LRRC7: variants seen among roughly 807,000 people sequenced by gnomAD.
LRRC7 encodes leucine-rich repeat-containing protein 7.
LRRC7 carries 23 observed loss-of-function variants against 175.7 expected under a neutral mutation model. The observed-to-expected ratio is 0.13, with a 90% CI of 0.09 to 0.19. The LOEUF (loss-of-function observed/expected upper bound fraction) is 0.19. LRRC7 is among the 10% of genes least tolerant of loss of function. The pLI, the probability that LRRC7 is intolerant of heterozygous loss-of-function variation, is 1.00. For synonymous variants in LRRC7, 685 were observed against 680.9 expected (o/e 1.01, Z -0.09); for missense variants, 1,354 against 1,904.7 (o/e 0.71, Z 5.38).
At chr1:69,697,945 A>G (rs562460280) in intron 2 of LRRC7, among the ~76,000 whole-genome samples, 2 of 152,234 alleles carry the variant, frequency 1.3e-5, no homozygotes, top group African/African-American at 4.8e-5. Flanking sequence ...CCTCAGGTAG[A>G]CTCCAGAAGA....
chr1:69,880,565 A>G (rs1052698377), intron 7 of LRRC7, among the ~76,000 whole-genome samples: 2 of 152,184 alleles, frequency 1.3e-5, no homozygotes, highest in African/African-American at 4.8e-5. Context: ...TTGGGGGTCT[A>G]TGTTTCTCTA....
intron 2 of LRRC7, among the ~76,000 whole-genome samples, chr1:69,683,916 G>A (rs1375343298): frequency 6.6e-6 from 1 of 152,058 alleles, no homozygotes; most frequent in Admixed American, 6.6e-5. Flanking sequence ...ACAAAGGAAA[G>A]ATGATGAAAT....
At chr1:69,976,620 G>C (rs72943291) in intron 8 of LRRC7, among the ~76,000 whole-genome samples, 1 of 152,100 alleles carries the variant, frequency 6.6e-6, no homozygotes, top group African/African-American at 2.4e-5. Flanking sequence ...GGGTATCCTC[G>C]ATCTCTTATT....
intron 8 of LRRC7, among the ~76,000 whole-genome samples, chr1:69,934,873 TC>T (rs768957775): frequency 1.3e-5 from 2 of 151,864 alleles, no homozygotes; most frequent in Admixed American, 1.3e-4. Context: ...GCCTCTCTCC[TC>T]CCCTCCCTGT....
At chr1:69,906,542 T>A (rs1382334299) in intron 7 of LRRC7, among the ~76,000 whole-genome samples, 3 of 152,204 alleles carry the variant, frequency 2.0e-5, no homozygotes, top group Admixed American at 2.0e-4. Context: ...CTTGTTTTTC[T>A]CAGGTTTGTC....
rs1250256985 is a variant in LRRC7 at position 70,134,323 on chromosome 1, GTTC to G, written c.*12442_*12444del. 6.6e-6 allele frequency among the ~76,000 whole-genome samples: 1 copy of G among 152,124 alleles called. No homozygotes were observed. Among genetic ancestry groups the G allele is most frequent in the East Asian group, 1.9e-4 (1 of 5,190 alleles). The stretch of plus-strand genomic sequence containing the variant: ...TGACATGTGTCCTCAAGCTATTTTG[GTTC>G]TTCTTAGTCATTTGAAATTCCAGGG... On this transcript the variant is annotated 3_prime_UTR_variant, in exon 27 of 27. Coordinates refer to ENST00000651989, the MANE Select transcript of LRRC7 (RefSeq NM_001370785.2).
chr1:70,034,317 A>G (rs946567663), intron 18 of LRRC7, among the ~76,000 whole-genome samples: 5 of 152,200 alleles, frequency 3.3e-5, no homozygotes, highest in African/African-American at 1.2e-4. Context: ...TACCCTCTGA[A>G]ATAATTTTCA....
chr1:69,670,913 C>T (rs1253234749), intron 1 of LRRC7, among the ~76,000 whole-genome samples: 2 of 152,144 alleles, frequency 1.3e-5, no homozygotes, highest in African/African-American at 4.8e-5. Context: ...GGGCAGCGGG[C>T]TTCCTTTTGG....
chr1:69,779,253 G>A (rs890206132), intron 3 of LRRC7, among the ~76,000 whole-genome samples: 1 of 152,076 alleles, frequency 6.6e-6, no homozygotes, highest in African/African-American at 2.4e-5. Context: ...GAACAAGCAT[G>A]CTCATCCACA....
intron 7 of LRRC7, among the ~76,000 whole-genome samples, chr1:69,929,887 CCTCT>C (rs1173579752): frequency 6.6e-6 from 1 of 151,822 alleles, no homozygotes; most frequent in Non-Finnish European, 1.5e-5. Flanking sequence ...TCTACTCCTC[CCTCT>C]CTCTCTCTTC....
Position 69,693,431 on chromosome 1 carries a change from C to T in LRRC7, c.100+14953C>T, listed in dbSNP as rs560974588. Among the ~76,000 whole-genome samples, 62 of 152,252 alleles carry T rather than the reference C, an allele frequency of 4.1e-4. No individual in the cohort carries two copies. In the East Asian group the frequency reaches 0.012, roughly 29 times the overall value. ...TGGCTCCCATGATTTTGGAGACAGG[C>T]AAGTCCAAAATCTGCAGGATAGGCC... On this transcript the variant is annotated intron_variant, in intron 2 of 26. Transcript: ENST00000651989.
At chr1:69,636,073 A>G (rs1025368138) in intron 1 of LRRC7, among the ~76,000 whole-genome samples, 1 of 152,042 alleles carries the variant, frequency 6.6e-6, no homozygotes, top group Non-Finnish European at 1.5e-5. Flanking sequence ...GATTGAATAA[A>G]TGAATGAATA....
intron 4 of LRRC7, among the ~76,000 whole-genome samples, chr1:69,812,621 G>A (rs1266583157): frequency 6.6e-6 from 1 of 151,968 alleles, no homozygotes; most frequent in African/African-American, 2.4e-5. Context: ...CATGTTTCCT[G>A]TCTTTATTTC....
intron 23 of LRRC7, among the ~76,000 whole-genome samples, chr1:70,070,548 T>G (rs1214513634): frequency 1.3e-5 from 2 of 152,220 alleles, no homozygotes. Context: ...GTTATAAAAC[T>G]CTGTATCTTA....
At chr1:69,672,137 C>T (rs1659171552) in intron 1 of LRRC7, among the ~76,000 whole-genome samples, 1 of 152,140 alleles carries the variant, frequency 6.6e-6, no homozygotes, top group Non-Finnish European at 1.5e-5. Context: ...TAGATGAAGG[C>T]ACTTTTTGTT....
chr1:69,894,996 G>A (rs1170448670), intron 7 of LRRC7, among the ~76,000 whole-genome samples: 3 of 152,202 alleles, frequency 2.0e-5, no homozygotes, highest in Non-Finnish European at 4.4e-5. Flanking sequence ...GGAGGCCAAG[G>A]CAGGCGGATC....
chr1:69,927,456 A>T (rs1647119518), intron 7 of LRRC7, among the ~76,000 whole-genome samples: 1 of 152,172 alleles, frequency 6.6e-6, no homozygotes, highest in Non-Finnish European at 1.5e-5. Flanking sequence ...AGTCAGACAT[A>T]GATTTGGTCT....
At chr1:69,728,436 G>A (rs1557656172) in intron 2 of LRRC7, among the ~76,000 whole-genome samples, 1 of 152,194 alleles carries the variant, frequency 6.6e-6, no homozygotes, top group African/African-American at 2.4e-5. Flanking sequence ...TGCAGCAAGG[G>A]AAGGAAGGAT....
At chr1:69,846,854 T>C (rs991905278) in intron 7 of LRRC7, among the ~76,000 whole-genome samples, 14 of 152,076 alleles carry the variant, frequency 9.2e-5, no homozygotes, top group African/African-American at 3.1e-4. Flanking sequence ...TAGATATTTT[T>C]CATTTTATCT....
Sources: gnomAD v4.1 joint callset for allele counts (sites outside exome capture counted in the v4.1 genomes callset) on GRCh38, gnomAD v4.1.1 for gene constraint, MANE v1.5 for transcripts, NCBI Gene and HGNC (gene_info 2026-07-23, HGNC 2026-07-21) for gene names.